Variants in SGTB observed in about 807,000 individuals in gnomAD.
The protein encoded by SGTB is small glutamine-rich tetratricopeptide repeat-containing protein beta.
A neutral mutation model predicts 43.9 loss-of-function variants in SGTB; 19 were observed. That is an observed-to-expected ratio of 0.43 (90% CI 0.30 to 0.63). SGTB has a LOEUF of 0.63. SGTB is among the 30% of genes least tolerant of loss of function. The pLI, the probability that SGTB is intolerant of heterozygous loss-of-function variation, is 0.12. For missense variants in SGTB, 304 were observed against 358.9 expected, an observed-to-expected ratio of 0.85 and a Z score of 1.24; for synonymous variants, 116 against 117.3, an observed-to-expected ratio of 0.99 and a Z score of 0.07.
chr5:65,670,591 C>T lies in SGTB; in HGVS notation c.804-234G>A, dbSNP rs901213187. On this transcript the variant is annotated intron_variant, in intron 10 of 10. Coordinates refer to ENST00000381007, the MANE Select transcript of SGTB (RefSeq NM_019072.3). ...CCCATGCTAAAAAAAATAAGTACCT[C>T]AACTGGGTGAAATCTACTTCTCTAG... Among the ~76,000 whole-genome samples the T allele has an allele frequency of 2.0e-5, 3 of 152,170 alleles. No homozygotes were observed. In the East Asian group the frequency reaches 5.8e-4, roughly 29 times the overall value.
At chr5:65,689,526 T>C (rs1757565690) in intron 5 of SGTB, among the ~76,000 whole-genome samples, 1 of 152,230 alleles carries the variant, frequency 6.6e-6, no homozygotes, top group South Asian at 2.1e-4. Flanking sequence ...CCAATTATAT[T>C]GGTTTATAAT....
At chr5:65,714,468 A>G (rs949328754) in intron 2 of SGTB, among the ~76,000 whole-genome samples, 7 of 152,216 alleles carry the variant, frequency 4.6e-5, no homozygotes, top group Admixed American at 4.6e-4. Context: ...AGTGGTTGGT[A>G]TGGCTAGGGT....
chr5:65,672,134 C>G (rs151184799), intron 9 of SGTB, 110 bp downstream of exon 9: 1 of 1,572,862 alleles, frequency 6.4e-7, no homozygotes, highest in East Asian at 2.2e-5. Flanking sequence ...TAAGCTCCAA[C>G]TGACTGTCAT....
At chr5:65,689,172 C>T (rs1200882727) in intron 5 of SGTB, among the ~76,000 whole-genome samples, 3 of 152,088 alleles carry the variant, frequency 2.0e-5, no homozygotes, top group Admixed American at 6.6e-5. Context: ...TCATGCCTTC[C>T]CAAAACACTA....
chr5:65,715,868 T>C (rs1287570228), intron 2 of SGTB, among the ~76,000 whole-genome samples: 3 of 152,124 alleles, frequency 2.0e-5, no homozygotes, highest in Admixed American at 6.5e-5. Flanking sequence ...CTCCCGAGTT[T>C]AAGCTATTCT....
intron 3 of SGTB, among the ~76,000 whole-genome samples, chr5:65,711,499 A>G (rs931805330): frequency 6.6e-6 from 1 of 152,246 alleles, no homozygotes; most frequent in Non-Finnish European, 1.5e-5. Flanking sequence ...AGCCATAACC[A>G]TATCTAGCCA....
chr5:65,703,360 A>G (rs1168505508), intron 5 of SGTB, among the ~76,000 whole-genome samples: 1 of 152,262 alleles, frequency 6.6e-6, no homozygotes, highest in Non-Finnish European at 1.5e-5. Flanking sequence ...AAAGACTGCA[A>G]TAAAATAAGG....
chr5:65,669,323 T>G lies in SGTB; in HGVS notation c.*923A>C, dbSNP rs984711284. 2 of 152,206 alleles carry G rather than the reference T, an allele frequency of 1.3e-5. No homozygotes were observed. The highest frequency in any genetic ancestry group is 1.5e-5 in the Non-Finnish European group (1 of 68,032). 9.4% of individuals were successfully genotyped at this position (152,206 alleles called of 1,614,324 possible). ...TTTATGGGCACACAATTAAATACCA[T>G]TTAGAAAATCCTTAACTTAGGACCA... On this transcript the variant is annotated 3_prime_UTR_variant, in exon 11 of 11. Coordinates refer to ENST00000381007, the MANE Select transcript of SGTB (RefSeq NM_019072.3).
intron 5 of SGTB, 26 bp from the exon 6 acceptor site, chr5:65,685,498 T>C (rs779148438): frequency 6.2e-7 from 1 of 1,604,784 alleles, no homozygotes; most frequent in Non-Finnish European, 8.5e-7. Flanking sequence ...CAGAATTTTA[T>C]TAAAGGCAGT....
intron 5 of SGTB, among the ~76,000 whole-genome samples, chr5:65,691,477 G>C (rs1256060679): frequency 6.6e-6 from 1 of 151,846 alleles, no homozygotes; most frequent in African/African-American, 2.4e-5. Flanking sequence ...CTGGAGTGCA[G>C]TGGCACACCC....
At chr5:65,716,538 C>T (rs535329380) in intron 2 of SGTB, among the ~76,000 whole-genome samples, 6 of 152,124 alleles carry the variant, frequency 3.9e-5, no homozygotes, top group Non-Finnish European at 7.4e-5. Context: ...GTGTAGCCAA[C>T]AGGATTTATT....
chr5:65,690,429 A>T (rs2150711193), intron 5 of SGTB, among the ~76,000 whole-genome samples: 1 of 152,298 alleles, frequency 6.6e-6, no homozygotes, highest in East Asian at 1.9e-4. Flanking sequence ...ACAAAGCAAG[A>T]GTCTGTCCTC....
chr5:65,690,449 C>A (rs1757584415), intron 5 of SGTB, among the ~76,000 whole-genome samples: 1 of 152,032 alleles, frequency 6.6e-6, no homozygotes, highest in South Asian at 2.1e-4. Context: ...CCTCACCCCC[C>A]TAAAAAAGGT....
intron 5 of SGTB, among the ~76,000 whole-genome samples, chr5:65,701,200 G>A (rs1272512128): frequency 6.6e-6 from 1 of 151,992 alleles, no homozygotes; most frequent in African/African-American, 2.4e-5. Context: ...TCAGAAAGGT[G>A]TGACTACCCT....
upstream of SGTB, chr5:65,722,251 A>C: frequency 3.3e-6 from 2 of 597,440 alleles, no homozygotes; most frequent in Non-Finnish European, 2.6e-6. Flanking sequence ...CTGGCCAGGC[A>C]GCCACTGTGG....
In SGTB at chr5:65,704,384, A is replaced by T; in HGVS notation, c.275-6T>A. 6.2e-7 allele frequency: 1 copy of T among 1,605,668 alleles called. No individual in the cohort carries two copies. Among genetic ancestry groups the T allele is most frequent in the Non-Finnish European group, 8.5e-7 (1 of 1,173,818 alleles). On this transcript the variant is annotated splice_polypyrimidine_tract_variant and splice_region_variant and intron_variant, in intron 4 of 10. Coordinates refer to ENST00000381007, the MANE Select transcript of SGTB (RefSeq NM_019072.3). ...TTCTTTCATGTGGTTATTGCCTAAA[A>T]TAAAGTAACCAGTATGTACAGTAAG...
intron 8 of SGTB, 56 bp downstream of exon 8, chr5:65,680,438 G>C: frequency 6.3e-7 from 1 of 1,588,740 alleles, no homozygotes; most frequent in South Asian, 1.1e-5. Flanking sequence ...AAATTGCATA[G>C]CTACATAGTC....
At chr5:65,672,064 G>T in intron 9 of SGTB, 66 bp from the exon 10 acceptor site, 1 of 1,591,508 alleles carries the variant, frequency 6.3e-7, no homozygotes, top group Non-Finnish European at 8.6e-7. Flanking sequence ...ACAACTGGAC[G>T]AGGAAAAGTT....
intron 5 of SGTB, among the ~76,000 whole-genome samples, chr5:65,689,969 A>C (rs1295426244): frequency 1.3e-5 from 2 of 152,128 alleles, no homozygotes; most frequent in Non-Finnish European, 2.9e-5. Flanking sequence ...CATGTGAAAA[A>C]GTGGTATGGG....
Sources: gnomAD v4.1 joint callset for allele counts (sites outside exome capture counted in the v4.1 genomes callset) on GRCh38, gnomAD v4.1.1 for gene constraint, MANE v1.5 for transcripts, NCBI Gene and HGNC (gene_info 2026-07-23, HGNC 2026-07-21) for gene names.